The following NR1H4 variants were observed in gnomAD, a reference collection of about 807,000 sequenced individuals.
The protein encoded by NR1H4 is bile acid receptor.
Under a neutral mutation model 58.5 loss-of-function variants are expected in NR1H4, and 23 were observed. The observed-to-expected ratio is 0.39, with a 90% CI of 0.28 to 0.56. NR1H4 has a LOEUF of 0.56. NR1H4 is among the 20% of genes least tolerant of loss of function. The pLI is 0.58. For synonymous variants in NR1H4, 214 were observed against 198.0 expected (o/e 1.08, Z -0.68); for missense variants, 487 against 576.9 (o/e 0.84, Z 1.60).
chr12:100,551,198 A>T (rs1410074357), intron 9 of NR1H4, among the ~76,000 whole-genome samples: 1 of 152,206 alleles, frequency 6.6e-6, no homozygotes, highest in East Asian at 1.9e-4. Flanking sequence ...GCAATTTCAA[A>T]TTGCTTTAAG....
chr12:100,498,601 G>A (rs1953765610), intron 3 of NR1H4, among the ~76,000 whole-genome samples: 3 of 151,524 alleles, frequency 2.0e-5, no homozygotes, highest in Admixed American at 2.0e-4. Flanking sequence ...GACAGAGTGA[G>A]CCTCAGTCTC....
intron 1 of NR1H4, among the ~76,000 whole-genome samples, chr12:100,480,436 A>G (rs1953354515): frequency 6.6e-6 from 1 of 152,220 alleles, no homozygotes; most frequent in Non-Finnish European, 1.5e-5. Context: ...GGGAAATCTT[A>G]GATCTATAAG....
In NR1H4 at chr12:100,556,470, AGAAAAAAAAAAC is replaced by A. The variant is rs1565784469; in HGVS notation, c.1079-5414_1079-5403del. The stretch of plus-strand genomic sequence containing the variant: ...CAACAAGAGTGAAACTCCGTCTCAA[AGAAAAAAAAAAC>A]AAAAAACAAAAAACAACTCTCTTTT... On this transcript the variant is annotated intron_variant, in intron 9 of 10. Transcript: ENST00000392986. 2.0e-5 allele frequency among the ~76,000 whole-genome samples: 3 copies of A among 148,652 alleles called. No individual in the cohort carries two copies. The East Asian group carries it at 5.8e-4, about 29-fold the overall frequency.
At chr12:100,518,077 C>T (rs1317762556) in intron 4 of NR1H4, among the ~76,000 whole-genome samples, 1 of 152,130 alleles carries the variant, frequency 6.6e-6, no homozygotes, top group African/African-American at 2.4e-5. Context: ...GGAATGAATC[C>T]CTAAAGTCAC....
At position 100,537,014 on chromosome 12, in the gene NR1H4, C is replaced by A; in HGVS notation, c.898C>A (p.Gln300Lys). Residue 300 changes from glutamine to lysine, a missense_variant, in exon 8 of 11, where the codon CAG becomes AAG. Physicochemically the swap from Gln to Lys is moderately conservative, Grantham distance 53. Coordinates refer to ENST00000392986, the MANE Select transcript of NR1H4 (RefSeq NM_001206979.2). The part of the protein sequence containing the change: ...ILTEMATNHV[Q>K]VLVEFTKKLP... ...GACGGAAATGGCAACCAATCATGTA[C>A]AGGTTCTTGTAGAATTCACAAAAAA... 6.2e-7 allele frequency: 1 copy of A among 1,606,388 alleles called. No homozygotes were observed.
chr12:100,532,373 G>A, intron 4 of NR1H4, 85 bp from the exon 5 acceptor site: 1 of 1,376,136 alleles, frequency 7.3e-7, no homozygotes, highest in Non-Finnish European at 1.0e-6. Context: ...GTGAGAAAAT[G>A]TCCTGGCATC....
intron 1 of NR1H4, among the ~76,000 whole-genome samples, chr12:100,485,170 T>C (rs1372513419): frequency 6.6e-6 from 1 of 152,218 alleles, no homozygotes; most frequent in African/African-American, 2.4e-5. Flanking sequence ...TTCATTCATG[T>C]CTTTACAGTT....
chr12:100,533,214 A>G (rs1954736593), intron 5 of NR1H4, among the ~76,000 whole-genome samples: 1 of 152,236 alleles, frequency 6.6e-6, no homozygotes, highest in Non-Finnish European at 1.5e-5. Context: ...TGTAATCTTC[A>G]TCAAAAATTG....
chr12:100,495,681 A>G (rs1005098331), intron 3 of NR1H4, among the ~76,000 whole-genome samples: 1 of 151,940 alleles, frequency 6.6e-6, no homozygotes, highest in African/African-American at 2.4e-5. Flanking sequence ...GTGAGTCGAG[A>G]TCGCGCCACT....
intron 9 of NR1H4, among the ~76,000 whole-genome samples, chr12:100,559,198 A>G (rs1487794696): frequency 1.3e-5 from 2 of 152,168 alleles, no homozygotes; most frequent in Non-Finnish European, 2.9e-5. Flanking sequence ...GGTCATTCCA[A>G]TGAGAGGTGA....
At chr12:100,544,281 A>G (rs1224280951) in intron 9 of NR1H4, among the ~76,000 whole-genome samples, 1 of 151,110 alleles carries the variant, frequency 6.6e-6, no homozygotes, top group Non-Finnish European at 1.5e-5. Flanking sequence ...AAAATCCATC[A>G]GTCAAATCTA....
At chr12:100,483,190 T>G (rs898796432) in intron 1 of NR1H4, among the ~76,000 whole-genome samples, 3 of 152,022 alleles carry the variant, frequency 2.0e-5, no homozygotes, top group Non-Finnish European at 4.4e-5. Context: ...CCTCCCAAAG[T>G]GCTGGGATTA....
intron 3 of NR1H4, among the ~76,000 whole-genome samples, chr12:100,496,493 T>G (rs1237073148): frequency 2.0e-5 from 3 of 152,178 alleles, no homozygotes; most frequent in Admixed American, 2.0e-4. Flanking sequence ...TGTCTTCTAC[T>G]CATTTTTATT....
chr12:100,561,943 GA>G lies in NR1H4; in HGVS notation c.1141del (p.Met381Ter). 1.9e-6 allele frequency: 3 copies of G among 1,570,772 alleles called. No individual in the cohort carries two copies. Among genetic ancestry groups the G allele is most frequent in the Non-Finnish European group, 2.6e-6 (3 of 1,140,964 alleles). ...FSFYKSIGEL[K>X]MTQEEYALLT... ...GTTTTTATAAAAGTATTGGGGAACT[GA>G]AAATGACTCAAGAGGAGTATGCTCT... On this transcript the variant is annotated frameshift_variant, in exon 10 of 11. Coordinates refer to ENST00000392986, the MANE Select transcript of NR1H4 (RefSeq NM_001206979.2). LOFTEE classifies it high-confidence loss of function.
At chr12:100,506,042 C>CACACACACACACAG (rs1491443606) in intron 3 of NR1H4, among the ~76,000 whole-genome samples, 19 of 117,508 alleles carry the variant, frequency 1.6e-4, no homozygotes, top group African/African-American at 6.3e-4. Context: ...CACACACACA[C>CACACACACACACAG]AGAGAGAGAG....
chr12:100,563,572 CCA>C lies in NR1H4; in HGVS notation c.*84_*85del. The C allele has an allele frequency of 1.9e-6, 2 of 1,053,740 alleles. No homozygotes were observed. The highest frequency in any genetic ancestry group is 2.6e-5 in the South Asian group (2 of 77,610). The allele number at this position is 1,053,740 out of a possible 1,614,324, so 65.3% of individuals were successfully genotyped here. On this transcript the variant is annotated 3_prime_UTR_variant, in exon 11 of 11. Transcript: ENST00000392986. ...TAACTTTCCTTTATTTCACTTGTAC[CCA>C]GTTTCACTCAAGAAATCTTGATGAA...
chr12:100,517,881 A>G (rs1156314059), intron 4 of NR1H4, among the ~76,000 whole-genome samples: 2 of 152,234 alleles, frequency 1.3e-5, no homozygotes, highest in South Asian at 2.1e-4. Context: ...ACTATAGCTT[A>G]TAATCTAACT....
chr12:100,480,751 T>C (rs1008175297), intron 1 of NR1H4, among the ~76,000 whole-genome samples: 1 of 152,200 alleles, frequency 6.6e-6, no homozygotes, highest in African/African-American at 2.4e-5. Context: ...ACAGGAATGA[T>C]CCATTAATTC....
intron 1 of NR1H4, 93 bp from the exon 2 acceptor site, chr12:100,492,410 G>A (rs1423980795): frequency 1.3e-5 from 2 of 152,194 alleles, no homozygotes; most frequent in Non-Finnish European, 2.9e-5. Context: ...AAAAAGGTTT[G>A]AAAATCATCC....
Sources: allele counts gnomAD v4.1 joint callset (sites outside exome capture counted in the v4.1 genomes callset), GRCh38; gene constraint gnomAD v4.1.1; transcripts MANE v1.5; gene names NCBI Gene and HGNC (gene_info 2026-07-23, HGNC 2026-07-21).